The following FRMD4A variants were observed in gnomAD, a reference collection of about 807,000 sequenced individuals.
FRMD4A encodes FERM domain-containing protein 4A.
In FRMD4A, 29 loss-of-function variants were observed where a neutral mutation model predicts 129.1. The observed-to-expected ratio is 0.22, with a 90% CI of 0.17 to 0.31. The LOEUF (loss-of-function observed/expected upper bound fraction) is 0.31. Among genes scored for constraint, FRMD4A ranks in the 10% least tolerant of loss-of-function variants. The pLI, the probability that FRMD4A is intolerant of heterozygous loss-of-function variation, is 1.00. For missense variants in FRMD4A, 1,272 were observed against 1,375.8 expected, an observed-to-expected ratio of 0.92 and a Z score of 1.19; for synonymous variants, 634 against 571.6, an observed-to-expected ratio of 1.11 and a Z score of -1.56.
chr10:13,989,243 A>T lies in FRMD4A; in HGVS notation c.46-130331T>A, dbSNP rs73589159. 5.0e-3 allele frequency among the ~76,000 whole-genome samples: 766 copies of T among 152,222 alleles called. 11 individuals carry two copies. The highest frequency in any genetic ancestry group is 0.018 in the African/African-American group (737 of 41,536). ...ATCAGGGGTCCTGGTGTTTTTGATTATGTTGCACCCTAACACCTACCAGCC... is the reference window on the plus strand; with the variant it reads ...ATCAGGGGTCCTGGTGTTTTTGATTTTGTTGCACCCTAACACCTACCAGCC... On this transcript the variant is annotated intron_variant, in intron 2 of 24. Transcript: ENST00000357447.
intron 2 of FRMD4A, among the ~76,000 whole-genome samples, chr10:14,079,601 A>G (rs1835811590): frequency 6.6e-6 from 1 of 152,224 alleles, no homozygotes. Context: ...TAGGCAACAC[A>G]TTTACCATGG....
At chr10:14,139,459 A>T (rs1418134910) in intron 2 of FRMD4A, among the ~76,000 whole-genome samples, 2 of 96,648 alleles carry the variant, frequency 2.1e-5, no homozygotes, top group African/African-American at 7.1e-5. Context: ...TATTTTTTTT[A>T]ATTTTTTTGA....
intron 2 of FRMD4A, chr10:14,326,913 G>C: frequency 2.5e-6 from 1 of 398,670 alleles, no homozygotes; most frequent in Non-Finnish European, 4.4e-6. Flanking sequence ...CAGCCTAAAA[G>C]GCCATCTCCA....
intron 2 of FRMD4A, among the ~76,000 whole-genome samples, chr10:14,045,112 TG>T (rs1222083292): frequency 2.0e-5 from 3 of 152,116 alleles, no homozygotes; most frequent in African/African-American, 7.2e-5. Context: ...TATGTTGCCC[TG>T]GCTGGTCTTG....
intron 2 of FRMD4A, among the ~76,000 whole-genome samples, chr10:14,223,852 C>G (rs957043833): frequency 1.3e-5 from 2 of 151,752 alleles, no homozygotes; most frequent in East Asian, 1.9e-4. Context: ...ATCTCCCTGT[C>G]GTTGGACTCC....
At chr10:14,107,385 T>C (rs1450305456) in intron 2 of FRMD4A, among the ~76,000 whole-genome samples, 1 of 152,130 alleles carries the variant, frequency 6.6e-6, no homozygotes. Context: ...AAACCAAAAG[T>C]TGCTTTAAAT....
chr10:14,162,927 C>T (rs1318137720), intron 2 of FRMD4A, among the ~76,000 whole-genome samples: 4 of 152,154 alleles, frequency 2.6e-5, no homozygotes, highest in Non-Finnish European at 4.4e-5. Context: ...GTAAATCCTG[C>T]TCCATTCCTT....
intron 2 of FRMD4A, among the ~76,000 whole-genome samples, chr10:13,972,536 C>T (rs73587361): frequency 0.05 from 7,578 of 151,972 alleles, 455 homozygotes; most frequent in African/African-American, 0.14. Flanking sequence ...CAACCTATCC[C>T]GTTTTTTTTT....
At chr10:13,982,889 C>T (rs940970140) in intron 2 of FRMD4A, among the ~76,000 whole-genome samples, 4 of 152,330 alleles carry the variant, frequency 2.6e-5, no homozygotes, top group Admixed American at 6.5e-5. Flanking sequence ...GATTTCTCCT[C>T]GCCCTACAGG....
intron 2 of FRMD4A, among the ~76,000 whole-genome samples, chr10:13,994,013 CTT>C (rs551387633): frequency 1.1e-4 from 15 of 134,540 alleles, no homozygotes; most frequent in Non-Finnish European, 1.1e-4. Flanking sequence ...TGGGACAGTC[CTT>C]TTTTTTTTTT....
chr10:14,291,708 T>C (rs978106714), intron 2 of FRMD4A, among the ~76,000 whole-genome samples: 2 of 152,014 alleles, frequency 1.3e-5, no homozygotes, highest in South Asian at 2.1e-4. Flanking sequence ...ACACATTTAA[T>C]GGCAAAATGT....
intron 2 of FRMD4A, among the ~76,000 whole-genome samples, chr10:14,261,980 ACACAC>A (rs1844820410): frequency 7.2e-6 from 1 of 138,354 alleles, no homozygotes; most frequent in Non-Finnish European, 1.6e-5. Flanking sequence ...ACACACACAC[ACACAC>A]ACCTCATTTT....
chr10:14,272,371 C>T (rs1041063593), intron 2 of FRMD4A, among the ~76,000 whole-genome samples: 11 of 152,150 alleles, frequency 7.2e-5, no homozygotes, highest in Non-Finnish European at 1.3e-4. Context: ...GGGGTGCACA[C>T]GGTCATGGGG....
chr10:14,087,873 GA>G (rs1441177110), intron 2 of FRMD4A, among the ~76,000 whole-genome samples: 4 of 152,152 alleles, frequency 2.6e-5, no homozygotes, highest in Admixed American at 6.5e-5. Flanking sequence ...AACAGAAGGG[GA>G]AACAAAAGGA....
chr10:14,011,265 C>A (rs1390149101), intron 2 of FRMD4A, among the ~76,000 whole-genome samples: 2 of 152,138 alleles, frequency 1.3e-5, no homozygotes, highest in Admixed American at 6.5e-5. Flanking sequence ...TTAGATTGAG[C>A]AATTTTAGAG....
At chr10:14,150,359 G>A (rs540749654) in intron 2 of FRMD4A, among the ~76,000 whole-genome samples, 5 of 152,128 alleles carry the variant, frequency 3.3e-5, no homozygotes, top group African/African-American at 4.8e-5. Context: ...AAGTAGTATC[G>A]GCTTCATTCT....
chr10:14,261,941 A>AACACAG (rs1844816286), intron 2 of FRMD4A, among the ~76,000 whole-genome samples: 1 of 128,232 alleles, frequency 7.8e-6, no homozygotes, highest in African/African-American at 2.9e-5. Flanking sequence ...CACCACACCA[A>AACACAG]ACACACACAC....
intron 2 of FRMD4A, among the ~76,000 whole-genome samples, chr10:14,014,901 T>A: frequency 8.0e-6 from 1 of 125,498 alleles, no homozygotes; most frequent in Non-Finnish European, 1.7e-5. Flanking sequence ...CATTTTTCCC[T>A]CCCTCCCTCC....
rs988050908 is a variant in FRMD4A at position 13,964,486 on chromosome 10, T to C, written c.46-105574A>G. Among the ~76,000 whole-genome samples the C allele has an allele frequency of 3.2e-4, 9 of 28,220 alleles. No homozygotes were observed. In the South Asian group the frequency reaches 0.01, roughly 32 times the overall value. The allele number at this position is 28,220 out of a possible 152,430, so 18.5% of individuals were successfully genotyped here. ...GAGCTGGAGGCAGGGTGGGGGTGGGTGGGGAGGCAATAGAGAGGACAGAGG... is the reference window on the plus strand; with the variant it reads ...GAGCTGGAGGCAGGGTGGGGGTGGGCGGGGAGGCAATAGAGAGGACAGAGG... On this transcript the variant is annotated intron_variant, in intron 2 of 24. Coordinates refer to ENST00000357447, the MANE Select transcript of FRMD4A (RefSeq NM_018027.5).
Sources: allele counts gnomAD v4.1 joint callset (sites outside exome capture counted in the v4.1 genomes callset), GRCh38; gene constraint gnomAD v4.1.1; transcripts MANE v1.5; gene names NCBI Gene and HGNC (gene_info 2026-07-23, HGNC 2026-07-21).